DNAAF4: variants seen among roughly 807,000 people sequenced by gnomAD.
DNAAF4 encodes the protein dynein assembly factor 4, axonemal.
DNAAF4 carries 43 observed loss-of-function variants against 51.8 expected under a neutral mutation model. That is an observed-to-expected ratio of 0.83 (90% CI 0.65 to 1.07). The LOEUF (loss-of-function observed/expected upper bound fraction) is 1.07, where lower values mean the gene tolerates loss of function less well. DNAAF4 is among the 50% of genes least tolerant of loss of function. DNAAF4 has a pLI of 0.00. For synonymous variants in DNAAF4, 194 were observed against 165.6 expected, an observed-to-expected ratio of 1.17 and a Z score of -1.32; for missense variants, 581 against 493.0, an observed-to-expected ratio of 1.18 and a Z score of -1.69.
chr15:55,442,516 G>A, intron 6 of DNAAF4: 1 of 761,720 alleles, frequency 1.3e-6, no homozygotes, highest in East Asian at 2.4e-5. Flanking sequence ...TGTTTCGGAA[G>A]GTCACTCTTG....
At chr15:55,432,445 A>AT (rs2057511257) in intron 9 of DNAAF4, 52 bp downstream of exon 9, 13 of 1,424,160 alleles carry the variant, frequency 9.1e-6, no homozygotes, top group South Asian at 7.7e-5. Flanking sequence ...TTCCAATGAC[A>AT]TTTTTTTCAG....
chr15:55,501,717 C>CAAAAAATTA (rs1216381544), intron 1 of DNAAF4, among the ~76,000 whole-genome samples: 1 of 135,954 alleles, frequency 7.4e-6, no homozygotes, highest in African/African-American at 2.5e-5. Context: ...ATTAGGGAGG[C>CAAAAAATTA]AAAAAATTAA....
chr15:55,470,324 T>C (rs2058235722), intron 4 of DNAAF4, among the ~76,000 whole-genome samples: 1 of 152,130 alleles, frequency 6.6e-6, no homozygotes, highest in African/African-American at 2.4e-5. Context: ...AGTGCTGGGA[T>C]TACAGGCGTG....
At chr15:55,424,752 AG>A (rs1175365009) in intron 7 of DNAAF4, among the ~76,000 whole-genome samples, 1 of 151,818 alleles carries the variant, frequency 6.6e-6, no homozygotes, top group Non-Finnish European at 1.5e-5. Context: ...TAGTAGAGAC[AG>A]GGTTTCACCA....
chr15:55,482,329 A>G (rs540644749), intron 4 of DNAAF4, among the ~76,000 whole-genome samples: 3 of 152,194 alleles, frequency 2.0e-5, no homozygotes, highest in Non-Finnish European at 2.9e-5. Context: ...GCTAAACAGA[A>G]TTACAAATGA....
chr15:55,491,264 G>A lies in DNAAF4; in HGVS notation c.272-8C>T, dbSNP rs1031868618. 1 of 1,607,126 alleles carries A rather than the reference G, an allele frequency of 6.2e-7. No individual in the cohort carries two copies. On this transcript the variant is annotated splice_polypyrimidine_tract_variant and splice_region_variant and intron_variant, in intron 3 of 9. Transcript: ENST00000321149. ...GCATCATCTCTTTGTCAACTAAAAT[G>A]TACAGAATATTGCTAAATTAGAATT...
downstream of DNAAF4, among the ~76,000 whole-genome samples, chr15:55,426,885 T>C (rs1268481777): frequency 6.6e-6 from 1 of 152,220 alleles, no homozygotes; most frequent in African/African-American, 2.4e-5. Context: ...TTTTGTATTA[T>C]GCTGTTTCTT....
At chr15:55,447,686 G>T (rs534906304) in intron 6 of DNAAF4, among the ~76,000 whole-genome samples, 35 of 149,834 alleles carry the variant, frequency 2.3e-4, no homozygotes, top group African/African-American at 8.4e-4. Flanking sequence ...GCCGAGGCAG[G>T]AGAATGACAG....
At chr15:55,467,544 T>TACACACACAC (rs59329424) in intron 4 of DNAAF4, among the ~76,000 whole-genome samples, 4 of 150,296 alleles carry the variant, frequency 2.7e-5, no homozygotes, top group Admixed American at 6.7e-5. Context: ...TCTCAAAATC[T>TACACACACAC]ACACACACAC....
At chr15:55,481,057 G>A (rs1412919850) in intron 4 of DNAAF4, among the ~76,000 whole-genome samples, 1 of 152,146 alleles carries the variant, frequency 6.6e-6, no homozygotes, top group Non-Finnish European at 1.5e-5. Flanking sequence ...ACCCTGTTAA[G>A]AGGTGTCTTC....
At chr15:55,454,835 G>A (rs947106827) in intron 5 of DNAAF4, among the ~76,000 whole-genome samples, 6 of 151,888 alleles carry the variant, frequency 4.0e-5, no homozygotes, top group African/African-American at 1.2e-4. Flanking sequence ...AATATACCAA[G>A]GGAAAGAATT....
intron 6 of DNAAF4, among the ~76,000 whole-genome samples, chr15:55,441,566 C>A (rs1299948272): frequency 3.3e-5 from 5 of 151,404 alleles, no homozygotes; most frequent in Admixed American, 1.3e-4. Flanking sequence ...CTCCCCCCTC[C>A]CACCACCCCA....
At chr15:55,494,550 T>A (rs2058615330) in intron 3 of DNAAF4, among the ~76,000 whole-genome samples, 1 of 152,146 alleles carries the variant, frequency 6.6e-6, no homozygotes. Flanking sequence ...TAGCTGGGAC[T>A]ACAGGCATCC....
intron 6 of DNAAF4, chr15:55,443,319 C>CTCCGCACGCTGGGGG: frequency 1.7e-6 from 2 of 1,171,406 alleles, no homozygotes; most frequent in Non-Finnish European, 2.5e-6. Context: ...GGCAAAGGGC[C>CTCCGCACGCTGGGGG]CCCAGCGTGC....
intron 5 of DNAAF4, among the ~76,000 whole-genome samples, chr15:55,457,341 G>A (rs1567015421): frequency 6.6e-6 from 1 of 151,952 alleles, no homozygotes; most frequent in Non-Finnish European, 1.5e-5. Context: ...TAATGCCCCT[G>A]GGAACATAAT....
intron 7 of DNAAF4, among the ~76,000 whole-genome samples, chr15:55,419,336 A>T (rs1595882077): frequency 6.6e-6 from 1 of 151,582 alleles, no homozygotes; most frequent in African/African-American, 2.4e-5. Context: ...ACTATCCCCC[A>T]CCTCAGCCTC....
chr15:55,455,428 T>C (rs1488031287), intron 5 of DNAAF4, among the ~76,000 whole-genome samples: 2 of 137,620 alleles, frequency 1.5e-5, no homozygotes, highest in Non-Finnish European at 3.1e-5. Context: ...TCTAAATGAC[T>C]TTTTTTTGTT....
At chr15:55,447,787 G>GACAGGGGAGAGGGC (rs2057858074) in intron 6 of DNAAF4, among the ~76,000 whole-genome samples, 1 of 64,972 alleles carries the variant, frequency 1.5e-5, no homozygotes, top group Non-Finnish European at 3.0e-5. Flanking sequence ...AGAGAGAGGG[G>GACAGGGGAGAGGGC]AGAGGGGAGA....
intron 4 of DNAAF4, among the ~76,000 whole-genome samples, chr15:55,489,654 AAC>A (rs2058542134): frequency 6.8e-6 from 1 of 148,130 alleles, no homozygotes; most frequent in South Asian, 2.2e-4. Flanking sequence ...CAGCCTGGGC[AAC>A]AGAGCCAGAC....
Sources: gnomAD v4.1 joint callset for allele counts (sites outside exome capture counted in the v4.1 genomes callset) on GRCh38, gnomAD v4.1.1 for gene constraint, MANE v1.5 for transcripts, NCBI Gene and HGNC (gene_info 2026-07-23, HGNC 2026-07-21) for gene names.